The following EXOSC9 variants were observed in gnomAD, a reference collection of about 807,000 sequenced individuals.
EXOSC9 encodes exosome complex component RRP45.
EXOSC9 carries 38 observed loss-of-function variants against 56.5 expected under a neutral mutation model. That is an observed-to-expected ratio of 0.67 (90% CI 0.52 to 0.88). EXOSC9 has a LOEUF of 0.88. EXOSC9 is among the 40% of genes least tolerant of loss of function. EXOSC9 has a pLI of 0.00. For missense variants in EXOSC9, 559 were observed against 530.5 expected, an observed-to-expected ratio of 1.05 and a Z score of -0.53; for synonymous variants, 170 against 170.8, an observed-to-expected ratio of 0.99 and a Z score of 0.04.
Position 121,802,681 on chromosome 4 carries a change from G to C in EXOSC9, c.169G>C (p.Gly57Arg), listed in dbSNP as rs1726901581. 11 of 1,613,940 alleles carry C rather than the reference G, an allele frequency of 6.8e-6. No individual in the cohort carries two copies. Among genetic ancestry groups the C allele is most frequent in the Non-Finnish European group, 9.3e-6 (11 of 1,179,940 alleles). ...IVELGKTRVL[G>R]QVSCELVSPK... ...GTAACTTTATCTTTGCAGAGTTCTT[G>C]GACAGGTTTCCTGTGAACTTGTGTC... is the stretch of plus-strand genomic sequence containing the variant. The change falls in exon 3 of 12, where the codon GGA becomes CGA. Residue 57 changes from glycine to arginine, a missense_variant. Coordinates refer to ENST00000243498, the MANE Select transcript of EXOSC9 (RefSeq NM_005033.3).
intron 8 of EXOSC9, among the ~76,000 whole-genome samples, 197 bp downstream of exon 8, chr4:121,811,868 G>C (rs1727222850): frequency 3.9e-5 from 6 of 152,116 alleles, no homozygotes; most frequent in Admixed American, 3.9e-4. Flanking sequence ...ACTCCGAAAG[G>C]TAGTGAAACT....
intron 6 of EXOSC9, among the ~76,000 whole-genome samples, chr4:121,808,359 T>C (rs1727107327): frequency 6.6e-6 from 1 of 152,164 alleles, no homozygotes; most frequent in Admixed American, 6.5e-5. Flanking sequence ...TATAATTTTC[T>C]TATTTTCTTC....
At chr4:121,812,013 C>T (rs1727226779) in intron 8 of EXOSC9, among the ~76,000 whole-genome samples, 1 of 151,938 alleles carries the variant, frequency 6.6e-6, no homozygotes, top group Admixed American at 6.5e-5. Context: ...ATTATTGATG[C>T]AGTGACTTGT....
chr4:121,801,899 A>G lies in EXOSC9; in HGVS notation c.139A>G (p.Ile47Val), dbSNP rs367640449. 7 of 1,613,518 alleles carry G rather than the reference A, an allele frequency of 4.3e-6. No homozygotes were observed. The Admixed American group carries it at 1.0e-4, about 23-fold the overall frequency. ...ISFGTDYGCC[I>V]VELGKTRVLG... ...ATTTGGAACAGATTACGGATGCTGC[A>G]TTGTGGAACTTGGAAAAACAAGGTA... The change falls in exon 2 of 12, where the codon ATT becomes GTT. Residue 47 changes from isoleucine to valine, a missense_variant. Physicochemically the swap from Ile to Val is conservative, Grantham distance 29. Transcript: ENST00000243498.
intron 7 of EXOSC9, among the ~76,000 whole-genome samples, chr4:121,811,039 GCTT>G (rs937758783): frequency 6.6e-6 from 1 of 151,906 alleles, no homozygotes; most frequent in African/African-American, 2.4e-5. Context: ...ATGATTAAAA[GCTT>G]CTTTAGTTTG....
At chr4:121,808,577 G>A (rs993096055) in intron 6 of EXOSC9, among the ~76,000 whole-genome samples, 1 of 151,998 alleles carries the variant, frequency 6.6e-6, no homozygotes, top group African/African-American at 2.4e-5. Context: ...GCCCAGGCTG[G>A]TCTGGAACTC....
chr4:121,816,956 C>T lies in EXOSC9; in HGVS notation c.*100C>T, dbSNP rs752555122. ...TTTATTCACAAATCCATTATAAAAT[C>T]TAGCAGGATTTTAAAAATAGTTTTT... On this transcript the variant is annotated 3_prime_UTR_variant, in exon 12 of 12. Coordinates refer to ENST00000243498, the MANE Select transcript of EXOSC9 (RefSeq NM_005033.3). 7.7e-5 allele frequency: 90 copies of T among 1,165,326 alleles called. No homozygotes were observed. Among genetic ancestry groups the T allele is most frequent in the Admixed American group, 1.7e-4 (5 of 28,862 alleles). The allele number at this position is 1,165,326 out of a possible 1,614,324, so 72.2% of individuals were successfully genotyped here.
chr4:121,802,899 T>G lies in EXOSC9; in HGVS notation c.282-16T>G. ...ATATTTCATGACATTAGCCCATTCC[T>G]ATTTTCTCCTTATAGGCAGTCAGAT... On this transcript the variant is annotated splice_polypyrimidine_tract_variant and intron_variant, in intron 3 of 11. Transcript: ENST00000243498. 1 of 1,612,464 alleles carries G rather than the reference T, an allele frequency of 6.2e-7. No individual in the cohort carries two copies. The highest frequency in any genetic ancestry group is 8.5e-7 in the Non-Finnish European group (1 of 1,178,516).
At chr4:121,801,536 G>A (rs748085721) in intron 1 of EXOSC9, 46 bp downstream of exon 1, 2 of 1,588,182 alleles carry the variant, frequency 1.3e-6, no homozygotes, top group Non-Finnish European at 1.7e-6. Context: ...GGGCGCTCGG[G>A]TCTCAAGGTG....
In EXOSC9 at chr4:121,809,968, A is replaced by C. The variant is rs372200089; in HGVS notation, c.607A>C (p.Thr203Pro). Residue 203 changes from threonine to proline, a missense_variant and splice_region_variant, in exon 7 of 12, where the codon ACA becomes CCA. By Grantham distance (38) the Thr-to-Pro change is conservative (BLOSUM62 -1). Coordinates refer to ENST00000243498, the MANE Select transcript of EXOSC9 (RefSeq NM_005033.3). ...CVSFAFFQQG[T>P]YLLVDPNERE... ...AGGTCCATTTAACATTCATTTCAGA[A>C]CATATTTATTGGTGGATCCCAATGA... 19 of 1,614,142 alleles carry C rather than the reference A, an allele frequency of 1.2e-5. No individual in the cohort carries two copies. The highest frequency in any genetic ancestry group is 1.6e-5 in the Non-Finnish European group (19 of 1,179,988).
At chr4:121,810,123 A>C in intron 7 of EXOSC9, 24 bp downstream of exon 7, 1 of 1,603,652 alleles carries the variant, frequency 6.2e-7, no homozygotes, top group Non-Finnish European at 8.5e-7. Context: ...TTAATGTCCC[A>C]TTAATAATAG....
intron 5 of EXOSC9, among the ~76,000 whole-genome samples, chr4:121,806,152 A>AT (rs57522518): frequency 0.025 from 3,696 of 145,472 alleles, 145 homozygotes; most frequent in East Asian, 0.2. Flanking sequence ...TGACCTTGTA[A>AT]TTTTTTTTTT....
At position 121,813,468 on chromosome 4, in the gene EXOSC9, A is replaced by T. The variant is rs2149038948; in HGVS notation, c.974+88A>T. The T allele has an allele frequency of 3.3e-6, 4 of 1,207,580 alleles. No homozygotes were observed. The East Asian group carries it at 9.4e-5, about 28-fold the overall frequency. 74.8% of individuals were successfully genotyped at this position (1,207,580 alleles called of 1,614,324 possible). ...GCTATATGAAGGATGTGTATACTGA[A>T]ATTAGTTTTTGTAAACACTGTACTT... On this transcript the variant is annotated intron_variant, in intron 9 of 11. Coordinates refer to ENST00000243498, the MANE Select transcript of EXOSC9 (RefSeq NM_005033.3).
intron 10 of EXOSC9, chr4:121,814,276 T>C: frequency 7.5e-6 from 2 of 267,456 alleles, no homozygotes; most frequent in Non-Finnish European, 1.4e-5. Context: ...ATTGCATTTT[T>C]AGAGGGGCTA....
chr4:121,809,159 AT>A lies in EXOSC9; in HGVS notation c.606-800del, dbSNP rs869027734. On this transcript the variant is annotated intron_variant, in intron 6 of 11. Transcript: ENST00000243498. ...TGGCATACCCAGCTAATTTAAAAAAATTTTTTTTGTAGAGACAGGGTCTCAC... is the reference window on the plus strand; with the variant it reads ...TGGCATACCCAGCTAATTTAAAAAAATTTTTTTGTAGAGACAGGGTCTCAC... Among the ~76,000 whole-genome samples, 4 of 150,248 alleles carry A rather than the reference AT, an allele frequency of 2.7e-5. No individual in the cohort carries two copies. In the East Asian group the frequency reaches 7.9e-4, roughly 30 times the overall value.
rs1406443602 is a variant in EXOSC9, at chr4:121,816,636, A to G, written c.1236-136A>G. On this transcript the variant is annotated intron_variant, in intron 11 of 11. Transcript: ENST00000243498. ...AAAAATTAGGACCTAAATCTATAAT[A>G]TAAACTTCTTGGATGCCAGTCTTAC... The G allele has an allele frequency of 4.3e-6, 4 of 938,884 alleles. No individual in the cohort carries two copies. In the African/African-American group the frequency reaches 5.1e-5, roughly 12 times the overall value. 58.2% of individuals were successfully genotyped at this position (938,884 alleles called of 1,614,324 possible).
intron 10 of EXOSC9, chr4:121,816,096 C>T: frequency 1.5e-6 from 1 of 651,910 alleles, no homozygotes; most frequent in Non-Finnish European, 2.5e-6. Context: ...GCTGGGCCTA[C>T]AAGCACATGC....
At position 121,804,753 on chromosome 4, in the gene EXOSC9, A is replaced by C. The variant is rs755270601; in HGVS notation, c.516A>C (p.Val172=). The C allele has an allele frequency of 1.6e-5, 26 of 1,606,762 alleles. No homozygotes were observed. The highest frequency in any genetic ancestry group is 1.9e-5 in the Non-Finnish European group (22 of 1,175,142). Residue 172 remains valine, a synonymous_variant, in exon 5 of 12, where the codon GTA becomes GTC. Coordinates refer to ENST00000243498, the MANE Select transcript of EXOSC9 (RefSeq NM_005033.3). ...ATGTCTCTGTCCAAGGAGATGAAGT[A>C]ACACTGGTAAGCTCCTATGTGAACC... is the stretch of plus-strand genomic sequence containing the variant. ...RPDVSVQGDE[V]TLYTPEERDP...
Position 121,801,538 on chromosome 4 carries a change from C to G in EXOSC9, c.66+48C>G, listed in dbSNP as rs3811742. 600,260 of 1,581,306 alleles carry G rather than the reference C, an allele frequency of 0.38. 117,646 individuals carry two copies. Among genetic ancestry groups the G allele is most frequent in the East Asian group, 0.48 (21,676 of 44,708 alleles). On this transcript the variant is annotated intron_variant, in intron 1 of 11. Coordinates refer to ENST00000243498, the MANE Select transcript of EXOSC9 (RefSeq NM_005033.3). ...TTGCGCGCTGCGTGGGCGCTCGGGT[C>G]TCAAGGTGTGGACTGATACCTGGCC...
Sources: allele counts gnomAD v4.1 joint callset (sites outside exome capture counted in the v4.1 genomes callset), GRCh38; gene constraint gnomAD v4.1.1; transcripts MANE v1.5; gene names NCBI Gene and HGNC (gene_info 2026-07-23, HGNC 2026-07-21).